NKD1: variants seen among roughly 807,000 people sequenced by gnomAD.
NKD1 encodes the protein protein naked cuticle homolog 1.
In NKD1, 21 loss-of-function variants were observed where a neutral mutation model predicts 56.0. The observed-to-expected ratio is 0.38, with a 90% CI of 0.27 to 0.54. NKD1 has a LOEUF of 0.54. Among genes scored for constraint, NKD1 ranks in the 20% least tolerant of loss-of-function variants. The pLI, the probability that NKD1 is intolerant of heterozygous loss-of-function variation, is 0.82. For synonymous variants in NKD1, 263 were observed against 265.7 expected (o/e 0.99, Z 0.10); for missense variants, 578 against 642.7 (o/e 0.90, Z 1.09).
intron 3 of NKD1, among the ~76,000 whole-genome samples, chr16:50,554,895 C>T (rs1364815583): frequency 6.6e-6 from 1 of 152,198 alleles, no homozygotes; most frequent in Non-Finnish European, 1.5e-5. Context: ...GCTAGGATTA[C>T]ACATGTGAGC....
intron 4 of NKD1, among the ~76,000 whole-genome samples, chr16:50,617,027 C>T (rs1341763599): frequency 6.6e-6 from 1 of 152,198 alleles, no homozygotes; most frequent in Non-Finnish European, 1.5e-5. Flanking sequence ...TTTTATTTCA[C>T]AGGCCTTCTT....
intron 6 of NKD1, 75 bp downstream of exon 6, chr16:50,625,655 T>C: frequency 5.5e-6 from 5 of 904,878 alleles, no homozygotes; most frequent in Non-Finnish European, 9.1e-6. Context: ...ACCCTGCCAC[T>C]GCCACTTCTC....
chr16:50,594,342 A>T (rs994879784), intron 3 of NKD1, among the ~76,000 whole-genome samples: 9 of 152,318 alleles, frequency 5.9e-5, no homozygotes, highest in African/African-American at 2.2e-4. Flanking sequence ...CTTGCAATTC[A>T]TTGGCCTGCC....
chr16:50,589,199 T>C (rs1185530466), intron 3 of NKD1, among the ~76,000 whole-genome samples: 1 of 152,136 alleles, frequency 6.6e-6, no homozygotes, highest in African/African-American at 2.4e-5. Flanking sequence ...TGGTTTAAAC[T>C]CAAGCCCCTG....
rs1170176602 is a variant in NKD1, at chr16:50,630,886, A to T, written c.671A>T (p.Glu224Val). The T allele has an allele frequency of 9.4e-6, 15 of 1,603,062 alleles. No individual in the cohort carries two copies. Among genetic ancestry groups the T allele is most frequent in the Non-Finnish European group, 1.7e-6 (2 of 1,175,214 alleles). Reference protein sequence around the residue: ...TKPTEDLRSWEKKQRAPLRFQ... With the variant: ...TKPTEDLRSWVKKQRAPLRFQ... Reference sequence around the variant, plus strand: ...CCCACTGAGGACCTGCGGAGCTGGGAGAAGAAGCAGCGAGCCCCGCTCAGG... The same window carrying T: ...CCCACTGAGGACCTGCGGAGCTGGGTGAAGAAGCAGCGAGCCCCGCTCAGG... Residue 224 changes from glutamate to valine, a missense_variant, in exon 8 of 10, where the codon GAG (glutamate) becomes GTG (valine). Coordinates refer to ENST00000268459, the MANE Select transcript of NKD1 (RefSeq NM_033119.5).
rs71928407 is a variant in NKD1, at chr16:50,623,725, C to CTGTGTGTG, written c.367-1728_367-1721dup. On this transcript the variant is annotated intron_variant, in intron 5 of 9. Coordinates refer to ENST00000268459, the MANE Select transcript of NKD1 (RefSeq NM_033119.5). The surrounding 1 kb of genome is among the most constrained non-coding windows in gnomAD (Gnocchi z 4.1). Reference sequence around the variant, plus strand: ...AAGCTGTCTTGGAAACAGGTAAGTGCTGTGTGTGTGTGTGTGTGTGTGTGT... The same window carrying CTGTGTGTG: ...AAGCTGTCTTGGAAACAGGTAAGTGCTGTGTGTGTGTGTGTGTGTGTGTGTGTGTGTGT... 4.1e-3 allele frequency among the ~76,000 whole-genome samples: 575 copies of CTGTGTGTG among 141,618 alleles called. 6 individuals carry two copies. The highest frequency in any genetic ancestry group is 0.012 in the African/African-American group (476 of 38,110). The allele number at this position is 141,618 out of a possible 152,430, so 92.9% of individuals were successfully genotyped here.
rs1384624598 is a variant in NKD1 at position 50,633,122 on chromosome 16, T to A, written c.824-70T>A. 3.3e-5 allele frequency: 47 copies of A among 1,406,350 alleles called. No homozygotes were observed. Among genetic ancestry groups the A allele is most frequent in the Non-Finnish European group, 4.3e-5 (45 of 1,043,656 alleles). The allele number at this position is 1,406,350 out of a possible 1,614,324, so 87.1% of individuals were successfully genotyped here. A position where few individuals can be genotyped will look rare whatever the true frequency, so the allele number is the denominator to read the frequency against. ...TTTGGAGAACTGGGGGCGGGGGTGA[T>A]GTCTGGGGTATAGCGCAAGCCCCAG... On this transcript the variant is annotated intron_variant, in intron 9 of 9. Coordinates refer to ENST00000268459, the MANE Select transcript of NKD1 (RefSeq NM_033119.5). The surrounding 1 kb of genome is among the most constrained non-coding windows in gnomAD (Gnocchi z 4.9).
At chr16:50,590,789 G>A (rs1270662353) in intron 3 of NKD1, among the ~76,000 whole-genome samples, 4 of 152,182 alleles carry the variant, frequency 2.6e-5, no homozygotes, top group African/African-American at 9.7e-5. Flanking sequence ...GCCATTATGA[G>A]TTTGTGGCCA....
At chr16:50,627,112 G>A (rs140502751) in intron 6 of NKD1, among the ~76,000 whole-genome samples, 83 of 152,172 alleles carry the variant, frequency 5.5e-4, no homozygotes, top group Non-Finnish European at 1.1e-3. Context: ...ACTCTGACAT[G>A]TAAGTGACAG....
chr16:50,614,961 A>C (rs1961927943), intron 4 of NKD1, among the ~76,000 whole-genome samples: 1 of 152,130 alleles, frequency 6.6e-6, no homozygotes, highest in Non-Finnish European at 1.5e-5. Flanking sequence ...TTTCATACTG[A>C]CCTAGGACCA....
chr16:50,624,674 T>C (rs187202289), intron 5 of NKD1, among the ~76,000 whole-genome samples: 280 of 152,282 alleles, frequency 1.8e-3, no homozygotes, highest in Non-Finnish European at 9.1e-4. Context: ...GGTTCATCTG[T>C]GGGCTCTGCC....
At chr16:50,610,773 C>A (rs910841658) in intron 4 of NKD1, among the ~76,000 whole-genome samples, 1 of 152,196 alleles carries the variant, frequency 6.6e-6, no homozygotes, top group Non-Finnish European at 1.5e-5. Flanking sequence ...GCATCTTAAC[C>A]GCCTTAACTG....
chr16:50,624,627 C>G (rs1042262652), intron 5 of NKD1, among the ~76,000 whole-genome samples: 2 of 152,150 alleles, frequency 1.3e-5, no homozygotes, highest in Non-Finnish European at 2.9e-5. Flanking sequence ...GATCCTGGGG[C>G]GCAGGTGCGA....
chr16:50,576,129 A>G (rs973421568), intron 3 of NKD1, among the ~76,000 whole-genome samples: 5 of 152,246 alleles, frequency 3.3e-5, no homozygotes, highest in Non-Finnish European at 1.5e-5. Context: ...TTCTTGGCTT[A>G]TTCCTGCCTT....
chr16:50,616,767 C>T (rs1961970306), intron 4 of NKD1, among the ~76,000 whole-genome samples: 1 of 152,218 alleles, frequency 6.6e-6, no homozygotes, highest in Non-Finnish European at 1.5e-5. Context: ...ACCCCACTAG[C>T]TCCGGATGCA....
chr16:50,633,265 G>T lies in NKD1; in HGVS notation c.897G>T (p.Glu299Asp). Residue 299 changes from glutamate (E) to aspartate (D), a missense_variant, in exon 10 of 10, where the codon GAG (glutamate) becomes GAT (aspartate). Coordinates refer to ENST00000268459, the MANE Select transcript of NKD1 (RefSeq NM_033119.5). This position sits in a 1 kb window ranked among gnomAD's most constrained non-coding sequence, Gnocchi z 4.9. Reference protein sequence around the residue: ...TSNPTRSRSHEPEAIHIPHRK... With the variant: ...TSNPTRSRSHDPEAIHIPHRK... ...ATCCCACTCGATCTCGCTCCCATGAGCCGGAAGCCATCCACATCCCACACC... is the reference window on the plus strand; with the variant it reads ...ATCCCACTCGATCTCGCTCCCATGATCCGGAAGCCATCCACATCCCACACC... The T allele has an allele frequency of 6.2e-7, 1 of 1,614,094 alleles. No homozygotes were observed. The highest frequency in any genetic ancestry group is 8.5e-7 in the Non-Finnish European group (1 of 1,179,990).
rs1962561789 is a variant in NKD1, at chr16:50,640,658, T to C, written c.*6877T>C. 6.6e-6 allele frequency: 1 copy of C among 152,212 alleles called. No homozygotes were observed. Among genetic ancestry groups the C allele is most frequent in the African/African-American group, 2.4e-5 (1 of 41,460 alleles). The allele number at this position is 152,212 out of a possible 1,614,324, so 9.4% of individuals were successfully genotyped here. A position where few individuals can be genotyped will look rare whatever the true frequency, so the allele number is the denominator to read the frequency against. ...GATTTCTCATCCTTTCCTGTTAATT[T>C]ATGACATCCTCCTGCCTATGAGTCC... On this transcript the variant is annotated 3_prime_UTR_variant, in exon 10 of 10. Transcript: ENST00000268459.
chr16:50,600,335 C>T (rs750114558), intron 3 of NKD1, among the ~76,000 whole-genome samples: 10 of 151,798 alleles, frequency 6.6e-5, no homozygotes, highest in Admixed American at 2.0e-4. Flanking sequence ...TAGCTGGGTA[C>T]GGTGGCCTGT....
chr16:50,577,602 C>T (rs1961019554), intron 3 of NKD1, among the ~76,000 whole-genome samples: 1 of 152,146 alleles, frequency 6.6e-6, no homozygotes, highest in Non-Finnish European at 1.5e-5. Context: ...TGCAGTAGAT[C>T]TCCAGAACCT....
Sources: allele counts gnomAD v4.1 joint callset (sites outside exome capture counted in the v4.1 genomes callset), GRCh38; gene constraint gnomAD v4.1.1; non-coding constraint Gnocchi (gnomAD v3.1); transcripts MANE v1.5; gene names NCBI Gene and HGNC (gene_info 2026-07-23, HGNC 2026-07-21).